The following CSNK1E variants were observed in gnomAD, a reference collection of about 807,000 sequenced individuals.
The protein encoded by CSNK1E is casein kinase I isoform epsilon.
A neutral mutation model predicts 46.1 loss-of-function variants in CSNK1E; 17 were observed. That is an observed-to-expected ratio of 0.37 (90% CI 0.25 to 0.55). The LOEUF is 0.55. CSNK1E is among the 20% of genes least tolerant of loss of function. The pLI, the probability that CSNK1E is intolerant of heterozygous loss-of-function variation, is 0.82. For synonymous variants in CSNK1E, 241 were observed against 242.6 expected (o/e 0.99, Z 0.06); for missense variants, 386 against 595.4 (o/e 0.65, Z 3.66).
chr22:38,294,426 G>A lies in CSNK1E; in HGVS notation c.994C>T (p.Pro332Ser). Residue 332 changes from proline (P) to serine (S), a missense_variant, in exon 8 of 11, where the codon CCA (proline) becomes TCA (serine). This residue lies in a region of CSNK1E where 174 missense variants were observed against 185.2 expected (regional missense o/e 0.94). Coordinates refer to ENST00000396832, the MANE Select transcript of CSNK1E (RefSeq NM_152221.3). This position sits in a 1 kb window ranked among gnomAD's most constrained non-coding sequence, Gnocchi z 5.5. The part of the protein sequence containing the change: ...GSATRALPPG[P>S]PTGATANRLR... ...CGGTTGGCAGTGGCCCCCGTGGGTG[G>A]GCCAGGGGGCAGGGCTCGGGTCGCG... 1 of 1,563,858 alleles carries A rather than the reference G, an allele frequency of 6.4e-7. No homozygotes were observed. Among genetic ancestry groups the A allele is most frequent in the East Asian group, 2.4e-5 (1 of 41,822 alleles).
chr22:38,306,971 G>A (rs1388898887), intron 2 of CSNK1E, among the ~76,000 whole-genome samples: 1 of 152,080 alleles, frequency 6.6e-6, no homozygotes, highest in African/African-American at 2.4e-5. Context: ...AGCGGTTCGA[G>A]ACCAGCCTAA....
rs183680512 is a variant in CSNK1E at position 38,303,329 on chromosome 22, G to A, written c.77-81C>T. On this transcript the variant is annotated intron_variant, in intron 2 of 10. Coordinates refer to ENST00000396832, the MANE Select transcript of CSNK1E (RefSeq NM_152221.3). The surrounding 1 kb of genome is among the most constrained non-coding windows in gnomAD (Gnocchi z 4.7). ...CAGGCGCCCCACTAAGCATTTCTGA[G>A]ATCTGGCGTGTGCCGGGCCCGGGGC... 856 of 1,247,194 alleles carry A rather than the reference G, an allele frequency of 6.9e-4. 12 individuals are homozygous for A. The East Asian group carries it at 0.018, about 26-fold the overall frequency. 77.3% of individuals were successfully genotyped at this position (1,247,194 alleles called of 1,614,324 possible).
chr22:38,298,726 C>CT lies in CSNK1E; in HGVS notation c.885+59dup, dbSNP rs2092654836. 6 of 1,598,028 alleles carry CT rather than the reference C, an allele frequency of 3.8e-6. No individual in the cohort carries two copies. Among genetic ancestry groups the CT allele is most frequent in the Non-Finnish European group, 4.3e-6 (5 of 1,167,950 alleles). Reference sequence around the variant, plus strand: ...CCCGCCACCAGCTCACTCTGGCCCTCTGAGTCAGGGCCTTCCCCATCCAGT... The same window carrying CT: ...CCCGCCACCAGCTCACTCTGGCCCTCTTGAGTCAGGGCCTTCCCCATCCAGT... On this transcript the variant is annotated intron_variant, in intron 7 of 10. Transcript: ENST00000396832. The surrounding 1 kb of genome is among the most constrained non-coding windows in gnomAD (Gnocchi z 4.2).
chr22:38,293,166 C>T lies in CSNK1E; in HGVS notation c.*32+89G>A, dbSNP rs976936065. The stretch of plus-strand genomic sequence containing the variant: ...CATCTGCCACTGCCACTGCCACCCA[C>T]CCCTCCACAACACATTGGTCTCTTT... On this transcript the variant is annotated intron_variant, in intron 10 of 10. Coordinates refer to ENST00000396832, the MANE Select transcript of CSNK1E (RefSeq NM_152221.3). 9.6e-5 allele frequency: 100 copies of T among 1,045,506 alleles called. 1 individual carries two copies. Among genetic ancestry groups the T allele is most frequent in the Admixed American group, 2.4e-4 (14 of 58,934 alleles). 64.8% of individuals were successfully genotyped at this position (1,045,506 alleles called of 1,614,324 possible). A position where few individuals can be genotyped will look rare whatever the true frequency, so the allele number is the denominator to read the frequency against.
chr22:38,291,055 T>G lies in CSNK1E; in HGVS notation c.*916A>C, dbSNP rs1406173434. ...AGGGAGAGGGGGGACCCCAGGTGAC[T>G]GTCAGGACCAGGGAAGTAATTTATA... On this transcript the variant is annotated 3_prime_UTR_variant, in exon 11 of 11. Transcript: ENST00000396832. 1.3e-5 allele frequency: 2 copies of G among 152,256 alleles called. No homozygotes were observed. 9.4% of individuals were successfully genotyped at this position (152,256 alleles called of 1,614,324 possible).
intron 2 of CSNK1E, among the ~76,000 whole-genome samples, chr22:38,313,340 C>T (rs1416885265): frequency 1.3e-5 from 2 of 152,218 alleles, no homozygotes; most frequent in African/African-American, 2.4e-5. Context: ...AGCCTCCACC[C>T]GCTAATCCAC....
At chr22:38,311,181 AT>A (rs1393244787) in intron 2 of CSNK1E, among the ~76,000 whole-genome samples, 1 of 152,114 alleles carries the variant, frequency 6.6e-6, no homozygotes, top group Non-Finnish European at 1.5e-5. Flanking sequence ...ACACGTGGGT[AT>A]TTTACACGCC....
Position 38,298,761 on chromosome 22 carries a change from C to T in CSNK1E, c.885+25G>A. 2.5e-6 allele frequency: 4 copies of T among 1,613,526 alleles called. No individual in the cohort carries two copies. The highest frequency in any genetic ancestry group is 3.4e-6 in the Non-Finnish European group (4 of 1,179,790). ...GCCTTCCCCATCCAGTCCCCCAAGCCCGCCTTGGCCTCCAGGTGACTCACG... is the reference window on the plus strand; with the variant it reads ...GCCTTCCCCATCCAGTCCCCCAAGCTCGCCTTGGCCTCCAGGTGACTCACG... On this transcript the variant is annotated intron_variant, in intron 7 of 10. Transcript: ENST00000396832. This position sits in a 1 kb window ranked among gnomAD's most constrained non-coding sequence, Gnocchi z 4.2.
chr22:38,304,606 CA>C (rs755196529), intron 2 of CSNK1E, among the ~76,000 whole-genome samples: 2 of 152,136 alleles, frequency 1.3e-5, no homozygotes, highest in Non-Finnish European at 2.9e-5. Context: ...GCGCAGTCAC[CA>C]GGGAATCCCA....
rs1041385107 is a variant in CSNK1E, at chr22:38,309,436, C to T, written c.76+4646G>A. ...CCCCTCGAGCCCTTACTCCACTCTT[C>T]GAGTACTACTGTTTGTATTTCTTTT... On this transcript the variant is annotated intron_variant, in intron 2 of 10. Transcript: ENST00000396832. This position sits in a 1 kb window ranked among gnomAD's most constrained non-coding sequence, Gnocchi z 4.8. 6.6e-6 allele frequency among the ~76,000 whole-genome samples: 1 copy of T among 152,046 alleles called. No individual in the cohort carries two copies. Among genetic ancestry groups the T allele is most frequent in the African/African-American group, 2.4e-5 (1 of 41,402 alleles).
chr22:38,311,758 G>A (rs2092721834), intron 2 of CSNK1E, among the ~76,000 whole-genome samples: 1 of 151,974 alleles, frequency 6.6e-6, no homozygotes, highest in Non-Finnish European at 1.5e-5. Flanking sequence ...GGAACACGCT[G>A]GGGATCTGAA....
chr22:38,294,170 G>A lies in CSNK1E; in HGVS notation c.1157C>T (p.Ala386Val). Residue 386 changes from alanine (A) to valine (V), a missense_variant, in exon 9 of 11, where the codon GCC becomes GTC. By Grantham distance (64) the Ala-to-Val change is moderately conservative. Around this residue, in one of 2 missense-constraint regions of CSNK1E, gnomAD observed 174 missense variants for 185.2 expected, o/e 0.94. Transcript: ENST00000396832. The surrounding 1 kb of genome is among the most constrained non-coding windows in gnomAD (Gnocchi z 5.5). ...VSMRLHRGAP[A>V]NVSSSDLTGR... ...AGTGAGGTCTGAGGAGGAGACGTTG[G>A]CGGGCGCACCCCTGTGCAGCCTCAT... 1 of 1,612,308 alleles carries A rather than the reference G, an allele frequency of 6.2e-7. No homozygotes were observed. The highest frequency in any genetic ancestry group is 1.7e-4 in the Middle Eastern group (1 of 6,038).
At chr22:38,299,794 C>G in intron 6 of CSNK1E, 101 bp downstream of exon 6, 2 of 1,379,136 alleles carry the variant, frequency 1.5e-6, no homozygotes, top group Non-Finnish European at 2.0e-6. Context: ...AGGCGTGAAC[C>G]ACCGCGCCTA....
At chr22:38,315,063 A>G (rs2092738085) in intron 1 of CSNK1E, among the ~76,000 whole-genome samples, 1 of 152,190 alleles carries the variant, frequency 6.6e-6, no homozygotes, top group Non-Finnish European at 1.5e-5. Context: ...AGGACTAGCA[A>G]GAGGGAACTC....
chr22:38,295,505 G>T, intron 7 of CSNK1E: 1 of 384,954 alleles, frequency 2.6e-6, no homozygotes, highest in Non-Finnish European at 3.6e-6. Flanking sequence ...ACAGGGTGTG[G>T]TTCCTGCAAC....
At chr22:38,295,991 G>C (rs1705104820) in intron 7 of CSNK1E, among the ~76,000 whole-genome samples, 1 of 152,252 alleles carries the variant, frequency 6.6e-6, no homozygotes, top group Non-Finnish European at 1.5e-5. Context: ...CATCAACCCT[G>C]TGAGGCAGGT....
intron 2 of CSNK1E, among the ~76,000 whole-genome samples, chr22:38,311,667 G>C (rs898516711): frequency 9.9e-5 from 15 of 152,156 alleles, no homozygotes; most frequent in Non-Finnish European, 2.1e-4. Context: ...AAACAGTAAG[G>C]AGCTGGGTAC....
At chr22:38,313,568 G>C (rs1160147866) in intron 2 of CSNK1E, among the ~76,000 whole-genome samples, 1 of 152,208 alleles carries the variant, frequency 6.6e-6, no homozygotes, top group Non-Finnish European at 1.5e-5. Context: ...AAGAGAGAGA[G>C]AGAACTCCCT....
chr22:38,306,410 C>A (rs1259680681), intron 2 of CSNK1E, among the ~76,000 whole-genome samples: 1 of 152,210 alleles, frequency 6.6e-6, no homozygotes, highest in East Asian at 1.9e-4. Flanking sequence ...AGTATATTCA[C>A]AAGCTTGCGC....
Sources: gnomAD v4.1 joint callset for allele counts (sites outside exome capture counted in the v4.1 genomes callset) on GRCh38, gnomAD v4.1.1 for gene constraint, gnomAD v4.1.1 regional missense constraint, Gnocchi (gnomAD v3.1) non-coding constraint, MANE v1.5 for transcripts, NCBI Gene and HGNC (gene_info 2026-07-23, HGNC 2026-07-21) for gene names.